The following PAK6 variants were observed in gnomAD, a reference collection of about 807,000 sequenced individuals.
PAK6 encodes the protein p21 (RAC1) activated kinase 6, also known as serine/threonine-protein kinase PAK 6.
Under a neutral mutation model 60.8 loss-of-function variants are expected in PAK6, and 33 were observed. The ratio of observed to expected loss-of-function variants is 0.54; its 90% CI spans 0.41 to 0.73. The LOEUF (loss-of-function observed/expected upper bound fraction) is 0.73. Among genes scored for constraint, PAK6 ranks in the 30% least tolerant of loss-of-function variants. The pLI, the probability that PAK6 is intolerant of heterozygous loss-of-function variation, is 0.00. For missense variants in PAK6, 845 were observed against 904.1 expected, an observed-to-expected ratio of 0.93 and a Z score of 0.84; for synonymous variants, 404 against 378.5, an observed-to-expected ratio of 1.07 and a Z score of -0.78.
chr15:40,259,156 C>G (rs1406131864), intron 3 of PAK6: 1 of 152,274 alleles, frequency 6.6e-6, no homozygotes, highest in African/African-American at 2.4e-5. Flanking sequence ...AGATGAATTG[C>G]GTGCAGATGG....
chr15:40,273,817 G>A (rs539140709), intron 9 of PAK6, 141 bp downstream of exon 9: 28 of 1,010,200 alleles, frequency 2.8e-5, no homozygotes, highest in African/African-American at 2.4e-4. Flanking sequence ...TCCCCCTTTC[G>A]ATGGGGCTGC....
intron 2 of PAK6, among the ~76,000 whole-genome samples, chr15:40,242,122 G>GC (rs1003261440): frequency 1.3e-5 from 2 of 152,058 alleles, no homozygotes; most frequent in African/African-American, 4.8e-5. Context: ...GAGAGTAGGG[G>GC]CCAGGGCAGG....
At chr15:40,276,242 C>A in exon 11 of PAK6, 1 of 781,480 alleles carries the variant, frequency 1.3e-6, no homozygotes, top group Non-Finnish European at 2.0e-6. Context: ...TGCCCTTCAG[C>A]CTACTGGGCC....
chr15:40,266,428 T>C, exon 5 of PAK6: 2 of 1,613,202 alleles, frequency 1.2e-6, no homozygotes, highest in Non-Finnish European at 1.7e-6. Context: ...TTCCGAAGCA[T>C]GTTCCTGTCC....
intron 5 of PAK6, among the ~76,000 whole-genome samples, chr15:40,271,805 C>T (rs2039310290): frequency 6.6e-6 from 1 of 152,180 alleles, no homozygotes; most frequent in Admixed American, 6.5e-5. Context: ...GTGGGGGAGC[C>T]TTGGGAGTGA....
chr15:40,253,217 C>T, exon 3 of PAK6: 1 of 456,114 alleles, frequency 2.2e-6, no homozygotes, highest in South Asian at 1.5e-5. Context: ...CAGGTCTTCC[C>T]TCTCCTCAGC....
At chr15:40,268,519 G>A (rs866266624) in intron 5 of PAK6, among the ~76,000 whole-genome samples, 4 of 152,126 alleles carry the variant, frequency 2.6e-5, no homozygotes, top group Non-Finnish European at 5.9e-5. Context: ...CCTACCCCAG[G>A]AGTCCCCAGA....
chr15:40,267,617 C>T (rs1402688493), intron 5 of PAK6, among the ~76,000 whole-genome samples: 1 of 152,170 alleles, frequency 6.6e-6, no homozygotes, highest in Non-Finnish European at 1.5e-5. Context: ...TGAGATCGCA[C>T]CACTGCACTC....
rs560494567 is a variant in PAK6, at chr15:40,257,358, G to A, written c.-6+4069G>A. ...TGGAAGCCAGCTTCCCAGCCTCAGCGCGTTCTTGTGAATCCCTTCGGTGGG... is the reference window on the plus strand; with the variant it reads ...TGGAAGCCAGCTTCCCAGCCTCAGCACGTTCTTGTGAATCCCTTCGGTGGG... On this transcript the variant is annotated intron_variant, in intron 3 of 10. Transcript: ENST00000560346. Among the ~76,000 whole-genome samples, 9 of 152,348 alleles carry A rather than the reference G, an allele frequency of 5.9e-5. No individual in the cohort carries two copies. In the South Asian group the frequency reaches 8.3e-4, roughly 14 times the overall value.
At chr15:40,270,446 C>G (rs1303964290) in intron 5 of PAK6, among the ~76,000 whole-genome samples, 1 of 152,202 alleles carries the variant, frequency 6.6e-6, no homozygotes, top group African/African-American at 2.4e-5. Flanking sequence ...TGCGGTTTCT[C>G]TAGCTCCCCA....
intron 10 of PAK6, among the ~76,000 whole-genome samples, chr15:40,274,558 T>C (rs56282503): frequency 0.21 from 32,278 of 152,266 alleles, 4,380 homozygotes; most frequent in Non-Finnish European, 0.3. Context: ...GGAAGCCCAG[T>C]GGGGCCCATG....
At chr15:40,249,304 C>T (rs2038593389) in intron 2 of PAK6, among the ~76,000 whole-genome samples, 1 of 148,456 alleles carries the variant, frequency 6.7e-6, no homozygotes, top group Non-Finnish European at 1.5e-5. Flanking sequence ...TAGGTTTCAA[C>T]AGATGAATCT....
intron 4 of PAK6, 43 bp from the exon 5 acceptor site, chr15:40,265,799 C>T: frequency 6.7e-7 from 1 of 1,494,208 alleles, no homozygotes; most frequent in East Asian, 2.3e-5. Flanking sequence ...CTCCCTGCCA[C>T]AATTGGGCAG....
chr15:40,252,238 G>A (rs1372438716), intron 2 of PAK6: 17 of 1,188,912 alleles, frequency 1.4e-5, no homozygotes, highest in Non-Finnish European at 1.6e-5. Context: ...GCTCTGGAGC[G>A]TGCATCTGCG....
At chr15:40,274,267 C>A in exon 10 of PAK6, 1 of 1,607,106 alleles carries the variant, frequency 6.2e-7, no homozygotes, top group Non-Finnish European at 8.5e-7. Flanking sequence ...AGCTGAAAAA[C>A]TCTCACAAGG....
chr15:40,246,962 G>A (rs2038512051), intron 2 of PAK6: 1 of 152,368 alleles, frequency 6.6e-6, no homozygotes, highest in African/African-American at 2.4e-5. Flanking sequence ...TGCCCAAAGT[G>A]TTGGAGGTGG....
chr15:40,258,354 G>A (rs1164748973), intron 3 of PAK6: 1 of 152,222 alleles, frequency 6.6e-6, no homozygotes, highest in Non-Finnish European at 1.5e-5. Flanking sequence ...ACGGAGCAGG[G>A]GCTCTGGAAT....
At chr15:40,267,661 T>C (rs1322216728) in intron 5 of PAK6, among the ~76,000 whole-genome samples, 6 of 151,480 alleles carry the variant, frequency 4.0e-5, no homozygotes, top group African/African-American at 1.5e-4. Flanking sequence ...AGACTCCGTC[T>C]CAAAAAAAAA....
At chr15:40,274,215 C>T in exon 10 of PAK6, 1 of 1,613,590 alleles carries the variant, frequency 6.2e-7, no homozygotes, top group Non-Finnish European at 8.5e-7. Flanking sequence ...AGTGACTCCC[C>T]AGTGCAAGCC....
Sources: allele counts gnomAD v4.1 joint callset (sites outside exome capture counted in the v4.1 genomes callset), GRCh38; gene constraint gnomAD v4.1.1; transcripts MANE v1.5; gene names NCBI Gene and HGNC (gene_info 2026-07-23, HGNC 2026-07-21).